Variants in CMSS1 observed in about 807,000 individuals in gnomAD.
CMSS1 encodes the protein protein CMSS1.
A neutral mutation model predicts 43.5 loss-of-function variants in CMSS1; 33 were observed. The observed-to-expected ratio is 0.76, with a 90% CI of 0.57 to 1.01. The LOEUF is 1.01. Ranked by LOEUF, CMSS1 falls within the 50% of genes least tolerant of loss-of-function variation. CMSS1 has a pLI of 0.00. For synonymous variants in CMSS1, 115 were observed against 117.2 expected (o/e 0.98, Z 0.12); for missense variants, 313 against 326.4 (o/e 0.96, Z 0.32).
At chr3:99,930,889 C>T (rs373650254) in intron 1 of CMSS1, 8 of 1,613,212 alleles carry the variant, frequency 5.0e-6, no homozygotes, top group Admixed American at 1.7e-5. Flanking sequence ...GTATTACATC[C>T]GACTCACTGG....
At chr3:99,879,432 T>C (rs960063156) in intron 1 of CMSS1, among the ~76,000 whole-genome samples, 75 of 152,250 alleles carry the variant, frequency 4.9e-4, no homozygotes, top group African/African-American at 1.8e-3. Context: ...CATCATTATT[T>C]AACTTTTAAA....
chr3:99,877,963 C>T (rs1375694835), intron 1 of CMSS1, among the ~76,000 whole-genome samples: 1 of 152,164 alleles, frequency 6.6e-6, no homozygotes, highest in African/African-American at 2.4e-5. Context: ...CTCACATATC[C>T]ATACTCAAGT....
chr3:99,935,558 A>G (rs905739710), intron 1 of CMSS1, among the ~76,000 whole-genome samples: 1 of 152,202 alleles, frequency 6.6e-6, no homozygotes, highest in African/African-American at 2.4e-5. Context: ...AGGTTGTCCC[A>G]TGAGATCACT....
chr3:99,953,110 ATACT>A (rs1390819987), intron 1 of CMSS1, among the ~76,000 whole-genome samples: 3 of 152,194 alleles, frequency 2.0e-5, no homozygotes, highest in African/African-American at 7.2e-5. Context: ...ACTTAGCTGC[ATACT>A]TAAAGGTCAA....
chr3:100,033,203 TA>T (rs1325916076), intron 1 of CMSS1, among the ~76,000 whole-genome samples: 1 of 152,218 alleles, frequency 6.6e-6, no homozygotes, highest in Non-Finnish European at 1.5e-5. Context: ...AAAATCAAAC[TA>T]ATTGTGCCTT....
chr3:99,980,629 A>G (rs1205597839), intron 1 of CMSS1, among the ~76,000 whole-genome samples: 1 of 152,198 alleles, frequency 6.6e-6, no homozygotes, highest in Non-Finnish European at 1.5e-5. Context: ...AGAATTGTGA[A>G]TAAGGAATTG....
At chr3:99,994,403 A>G (rs1417004174) in intron 1 of CMSS1, among the ~76,000 whole-genome samples, 1 of 152,244 alleles carries the variant, frequency 6.6e-6, no homozygotes, top group Non-Finnish European at 1.5e-5. Flanking sequence ...GACATTTACA[A>G]CAACATTCTT....
rs528765803 is a variant in CMSS1, at chr3:99,825,427, CTA to C, written c.64+7386_64+7387del. Among the ~76,000 whole-genome samples the C allele has an allele frequency of 3.7e-4, 56 of 152,214 alleles. No individual in the cohort carries two copies. The South Asian group carries it at 4.6e-3, about 12-fold the overall frequency. On this transcript the variant is annotated intron_variant, in intron 1 of 9. Coordinates refer to ENST00000421999, the MANE Select transcript of CMSS1 (RefSeq NM_032359.4). ...GAAGAAAGAGGAGGGAGAAAAATGA[CTA>C]TGTTATTAGTCATTGCTCTACACTT...
intron 1 of CMSS1, among the ~76,000 whole-genome samples, chr3:99,993,198 A>G (rs1709573804): frequency 6.6e-6 from 1 of 152,038 alleles, no homozygotes; most frequent in Non-Finnish European, 1.5e-5. Context: ...TTGGTGAAAA[A>G]TGACATTGGT....
At chr3:100,044,924 A>T (rs2065256005) in intron 1 of CMSS1, among the ~76,000 whole-genome samples, 1 of 152,168 alleles carries the variant, frequency 6.6e-6, no homozygotes, top group African/African-American at 2.4e-5. Flanking sequence ...AGTGTCTCTG[A>T]TGACTTCCAT....
intron 1 of CMSS1, among the ~76,000 whole-genome samples, chr3:100,134,090 A>G (rs2066731479): frequency 6.6e-6 from 1 of 152,192 alleles, no homozygotes; most frequent in Non-Finnish European, 1.5e-5. Context: ...GTGAGTGGAT[A>G]GTAGGTCTAG....
chr3:99,995,244 A>T lies in CMSS1; in HGVS notation c.65-151729A>T, dbSNP rs116114511. On this transcript the variant is annotated intron_variant, in intron 1 of 9. Transcript: ENST00000421999. ...AGAAATTGGCCAAAACAAAGGGGCT[A>T]CGGGGCCCATGCAAGTCTGAAATTC... Among the ~76,000 whole-genome samples, 996 of 152,320 alleles carry T rather than the reference A, an allele frequency of 6.5e-3. 14 individuals are homozygous for T. The highest frequency in any genetic ancestry group is 0.023 in the African/African-American group (944 of 41,576).
chr3:99,946,092 A>G lies in CMSS1; in HGVS notation c.64+128049A>G, dbSNP rs552422191. On this transcript the variant is annotated intron_variant, in intron 1 of 9. Coordinates refer to ENST00000421999, the MANE Select transcript of CMSS1 (RefSeq NM_032359.4). ...TGGTTCATCAGATAATATATGCTTT[A>G]TGATAGTCATTCTCAACCTGTAAGC... is the stretch of plus-strand genomic sequence containing the variant. 1.4e-4 allele frequency among the ~76,000 whole-genome samples: 21 copies of G among 152,352 alleles called. No homozygotes were observed. In the South Asian group the frequency reaches 4.3e-3, roughly 32 times the overall value.
chr3:100,054,221 C>T (rs1194475971), intron 1 of CMSS1, among the ~76,000 whole-genome samples: 4 of 152,212 alleles, frequency 2.6e-5, no homozygotes, highest in Non-Finnish European at 4.4e-5. Flanking sequence ...CTAACCGAGA[C>T]ATCACATTCC....
chr3:100,160,317 A>G, intron 2 of CMSS1, 113 bp from the exon 3 acceptor site: 1 of 645,540 alleles, frequency 1.5e-6, no homozygotes, highest in African/African-American at 1.8e-5. Context: ...GTAGAATATT[A>G]CCAAGATACT....
At chr3:99,991,940 GTA>G (rs1040765790) in intron 1 of CMSS1, among the ~76,000 whole-genome samples, 1 of 146,872 alleles carries the variant, frequency 6.8e-6, no homozygotes, top group African/African-American at 2.5e-5. Context: ...ATATGTATGT[GTA>G]TATATGTGTA....
chr3:99,928,904 G>T (rs1707382066), intron 1 of CMSS1, among the ~76,000 whole-genome samples: 1 of 152,200 alleles, frequency 6.6e-6, no homozygotes, highest in Admixed American at 6.5e-5. Flanking sequence ...ACCCCGTAGA[G>T]AAGCAGATAC....
intron 1 of CMSS1, among the ~76,000 whole-genome samples, chr3:100,139,855 AC>A (rs1387198003): frequency 1.3e-5 from 2 of 151,386 alleles, no homozygotes; most frequent in Non-Finnish European, 2.9e-5. Flanking sequence ...TCATCAGAAC[AC>A]TGCCATTTCC....
chr3:99,829,053 A>G (rs930233651), intron 1 of CMSS1, among the ~76,000 whole-genome samples: 4 of 152,052 alleles, frequency 2.6e-5, no homozygotes, highest in Non-Finnish European at 5.9e-5. Context: ...CATTAGTGCA[A>G]TGAGGTGGAC....
Sources: gnomAD v4.1 joint callset for allele counts (sites outside exome capture counted in the v4.1 genomes callset) on GRCh38, gnomAD v4.1.1 for gene constraint, MANE v1.5 for transcripts, NCBI Gene and HGNC (gene_info 2026-07-23, HGNC 2026-07-21) for gene names.